Variants in DNAAF5 observed in about 807,000 individuals in gnomAD.
DNAAF5 encodes the protein dynein axonemal assembly factor 5, also known as HEAT repeat containing 2.
Under a neutral mutation model 75.8 loss-of-function variants are expected in DNAAF5, and 64 were observed. That is an observed-to-expected ratio of 0.84 (90% confidence interval 0.69 to 1.04). DNAAF5 has a LOEUF of 1.04. Ranked by LOEUF, DNAAF5 falls within the 50% of genes least tolerant of loss-of-function variation. The probability of loss-of-function intolerance (pLI) is 0.00; values close to 1 mark genes in which losing one functional copy is unlikely to be tolerated. For synonymous variants in DNAAF5, 657 were observed against 557.2 expected (o/e 1.18, Z -2.52); for missense variants, 1,269 against 1,178.5 (o/e 1.08, Z -1.12).
At chr7:780,225 CCGGCCACAGGG>C in intron 12 of DNAAF5, 81 bp downstream of exon 12, 1 of 1,369,040 alleles carries the variant, frequency 7.3e-7, no homozygotes, top group Non-Finnish European at 1.0e-6. Context: ...AGCCGTGTGA[CCGGCCACAGGG>C]CCCTGGGGCA....
At chr7:733,212 G>A (rs1271498516) in intron 2 of DNAAF5, among the ~76,000 whole-genome samples, 2 of 152,176 alleles carry the variant, frequency 1.3e-5, no homozygotes, top group Non-Finnish European at 2.9e-5. Flanking sequence ...GTCAGGTAAT[G>A]TGATCCCTCC....
At chr7:747,404 G>T (rs1419457238) in intron 4 of DNAAF5, among the ~76,000 whole-genome samples, 3 of 152,214 alleles carry the variant, frequency 2.0e-5, no homozygotes, top group African/African-American at 7.2e-5. Context: ...GGTGTGCAAT[G>T]GTGGCACAGG....
intron 12 of DNAAF5, among the ~76,000 whole-genome samples, chr7:783,672 A>G (rs1322243726): frequency 1.3e-5 from 2 of 152,202 alleles, no homozygotes; most frequent in Non-Finnish European, 2.9e-5. Context: ...GCTCACGTGC[A>G]GGCCTCGCTG....
chr7:773,789 T>C (rs1026122443), intron 9 of DNAAF5, among the ~76,000 whole-genome samples: 3 of 152,150 alleles, frequency 2.0e-5, no homozygotes, highest in Admixed American at 6.5e-5. Context: ...CTGGCTCGCC[T>C]CTGGAGAACA....
intron 11 of DNAAF5, among the ~76,000 whole-genome samples, chr7:779,733 C>T (rs1381025885): frequency 1.3e-5 from 2 of 152,192 alleles, no homozygotes; most frequent in Non-Finnish European, 2.9e-5. Context: ...CGCAGCAGGG[C>T]CTGGGCCGCC....
At chr7:736,570 C>A (rs912102119) in intron 2 of DNAAF5, among the ~76,000 whole-genome samples, 1 of 152,132 alleles carries the variant, frequency 6.6e-6, no homozygotes, top group Non-Finnish European at 1.5e-5. Flanking sequence ...TTTCGCATCC[C>A]TTTATTTTCA....
chr7:756,681 C>T, intron 5 of DNAAF5, 101 bp from the exon 6 acceptor site: 1 of 1,029,950 alleles, frequency 9.7e-7, no homozygotes, highest in Non-Finnish European at 1.5e-6. Context: ...GGGGCTCTGT[C>T]TGGTGCACGG....
chr7:764,207 A>C (rs1782752607), intron 8 of DNAAF5, among the ~76,000 whole-genome samples: 1 of 152,236 alleles, frequency 6.6e-6, no homozygotes, highest in African/African-American at 2.4e-5. Flanking sequence ...ACACGCTTTC[A>C]TGTGAAACCT....
chr7:785,022 C>T (rs926077007), intron 12 of DNAAF5, among the ~76,000 whole-genome samples: 6 of 152,040 alleles, frequency 3.9e-5, no homozygotes, highest in Non-Finnish European at 8.8e-5. Context: ...ATTCTGACTG[C>T]CGTCCACCCG....
At chr7:740,767 C>G (rs1057086572) in intron 2 of DNAAF5, 52 bp from the exon 3 acceptor site, 3 of 1,605,880 alleles carry the variant, frequency 1.9e-6, no homozygotes, top group Non-Finnish European at 2.5e-6. Context: ...TGGCGTCAGC[C>G]CCGGCATCCC....
chr7:779,696 G>A (rs1434131174), intron 11 of DNAAF5, among the ~76,000 whole-genome samples: 3 of 152,186 alleles, frequency 2.0e-5, no homozygotes, highest in Non-Finnish European at 4.4e-5. Context: ...GAGGCTCTGC[G>A]CCTGCAGGAC....
chr7:739,248 G>T (rs1781831063), intron 2 of DNAAF5, among the ~76,000 whole-genome samples: 1 of 152,140 alleles, frequency 6.6e-6, no homozygotes, highest in Non-Finnish European at 1.5e-5. Flanking sequence ...TGCCTGACAG[G>T]CTTTGCAGCA....
Position 761,962 on chromosome 7 carries a change from T to C in DNAAF5, c.1614+66T>C. On this transcript the variant is annotated intron_variant, in intron 7 of 12. Coordinates refer to ENST00000297440, the MANE Select transcript of DNAAF5 (RefSeq NM_017802.4). ...CTCACAGCTGGAAGGCATCTCTAAG[T>C]GAGGTGAACTGTCTCCTATGCATCC... The C allele has an allele frequency of 1.0e-5, 8 of 772,134 alleles. No individual in the cohort carries two copies. In the South Asian group the frequency reaches 1.2e-4, roughly 11 times the overall value. 47.8% of individuals were successfully genotyped at this position (772,134 alleles called of 1,614,324 possible).
At chr7:759,206 C>T (rs1399955570) in intron 6 of DNAAF5, among the ~76,000 whole-genome samples, 9 of 152,040 alleles carry the variant, frequency 5.9e-5, no homozygotes, top group Admixed American at 3.3e-4. Flanking sequence ...AAGAACAAAC[C>T]GAAATTGTTT....
chr7:783,594 C>T (rs1422431957), intron 12 of DNAAF5, among the ~76,000 whole-genome samples: 1 of 152,198 alleles, frequency 6.6e-6, no homozygotes, highest in Non-Finnish European at 1.5e-5. Flanking sequence ...GGCCCGTGGT[C>T]TCTCCAGGTC....
At chr7:752,334 C>T (rs138340966) in intron 4 of DNAAF5, among the ~76,000 whole-genome samples, 16 of 151,988 alleles carry the variant, frequency 1.1e-4, no homozygotes, top group African/African-American at 3.6e-4. Context: ...TCGTGGGATA[C>T]GTCCTCAAAA....
In DNAAF5 at chr7:729,907, C is replaced by G. The variant is rs530007163; in HGVS notation, c.780+60C>G. 588 of 1,495,378 alleles carry G rather than the reference C, an allele frequency of 3.9e-4. 3 individuals carry two copies. In the Middle Eastern group the frequency reaches 0.014, roughly 36 times the overall value. 92.6% of individuals were successfully genotyped at this position (1,495,378 alleles called of 1,614,324 possible). A position where few individuals can be genotyped will look rare whatever the true frequency, so the allele number is the denominator to read the frequency against. ...TCTCCAACACAGGCGGGCTGACGTG[C>G]TGTTTTTAACTAACTCACTTGTTCT... On this transcript the variant is annotated intron_variant, in intron 2 of 12. Coordinates refer to ENST00000297440, the MANE Select transcript of DNAAF5 (RefSeq NM_017802.4).
intron 8 of DNAAF5, chr7:769,277 C>T (rs1778471002): frequency 2.8e-6 from 2 of 708,758 alleles, no homozygotes; most frequent in Middle Eastern, 2.3e-4. Flanking sequence ...GCGCCTCCTT[C>T]TGCGGCCCCA....
intron 7 of DNAAF5, among the ~76,000 whole-genome samples, chr7:762,777 C>T (rs1359096481): frequency 1.3e-5 from 2 of 152,006 alleles, no homozygotes; most frequent in African/African-American, 4.8e-5. Flanking sequence ...CCATACCCGG[C>T]TAATTTTTAT....
Sources: gnomAD v4.1 joint callset for allele counts (sites outside exome capture counted in the v4.1 genomes callset) on GRCh38, gnomAD v4.1.1 for gene constraint, MANE v1.5 for transcripts, NCBI Gene and HGNC (gene_info 2026-07-23, HGNC 2026-07-21) for gene names.